The following ABLIM3 variants were observed in gnomAD, a reference collection of about 807,000 sequenced individuals.
The protein encoded by ABLIM3 is actin binding LIM protein family member 3.
A neutral mutation model predicts 109.5 loss-of-function variants in ABLIM3; 61 were observed. The ratio of observed to expected loss-of-function variants is 0.56; its 90% confidence interval spans 0.45 to 0.69. ABLIM3 has a LOEUF of 0.69. ABLIM3 is among the 30% of genes least tolerant of loss of function. ABLIM3 has a pLI of 0.00. For synonymous variants in ABLIM3, 300 were observed against 324.8 expected (o/e 0.92, Z 0.82); for missense variants, 796 against 889.5 (o/e 0.89, Z 1.34).
chr5:149,233,641 G>GA (rs1467944145), intron 10 of ABLIM3, among the ~76,000 whole-genome samples: 1 of 152,162 alleles, frequency 6.6e-6, no homozygotes, highest in African/African-American at 2.4e-5. Context: ...CTGAGAGCAA[G>GA]AAAAAACTGA....
intron 23 of ABLIM3, among the ~76,000 whole-genome samples, chr5:149,258,060 C>T (rs1441702576): frequency 1.3e-5 from 2 of 152,170 alleles, no homozygotes; most frequent in African/African-American, 2.4e-5. Context: ...CAGGGGAGGC[C>T]TCTTCAGCCA....
intron 2 of ABLIM3, among the ~76,000 whole-genome samples, chr5:149,144,972 T>C (rs2044908166): frequency 6.6e-6 from 1 of 152,162 alleles, no homozygotes; most frequent in African/African-American, 2.4e-5. Flanking sequence ...ATTCTGCAAA[T>C]ACTGTATTTT....
At chr5:149,145,758 T>G (rs1160830231) in intron 2 of ABLIM3, among the ~76,000 whole-genome samples, 1 of 151,930 alleles carries the variant, frequency 6.6e-6, no homozygotes, top group African/African-American at 2.4e-5. Context: ...GTTGAGCATT[T>G]TTATTTTTTC....
chr5:149,165,244 T>G (rs1238821096), intron 2 of ABLIM3, among the ~76,000 whole-genome samples: 1 of 152,208 alleles, frequency 6.6e-6, no homozygotes, highest in Non-Finnish European at 1.5e-5. Flanking sequence ...AATGATTCTG[T>G]ATACTTCTCT....
At chr5:149,184,481 T>C (rs1050727562) in intron 3 of ABLIM3, among the ~76,000 whole-genome samples, 1 of 152,232 alleles carries the variant, frequency 6.6e-6, no homozygotes, top group Non-Finnish European at 1.5e-5. Context: ...GTTTTCCCCA[T>C]GTCAAACTAT....
chr5:149,149,657 T>G (rs1753250755), intron 2 of ABLIM3, among the ~76,000 whole-genome samples: 1 of 152,142 alleles, frequency 6.6e-6, no homozygotes, highest in Admixed American at 6.5e-5. Context: ...GAAAAATCTT[T>G]TAGAAAATAA....
At chr5:149,247,539 T>C in intron 17 of ABLIM3, 2 of 671,034 alleles carry the variant, frequency 3.0e-6, no homozygotes, top group Non-Finnish European at 5.5e-6. Flanking sequence ...ATCCTGTCAC[T>C]GGCCAGGCTT....
At chr5:149,242,892 G>A (rs1752998489) in intron 15 of ABLIM3, among the ~76,000 whole-genome samples, 1 of 152,190 alleles carries the variant, frequency 6.6e-6, no homozygotes, top group East Asian at 1.9e-4. Flanking sequence ...TAGAATAACA[G>A]GGGATGCATA....
At chr5:149,202,042 AG>A (rs1427335001) in intron 5 of ABLIM3, among the ~76,000 whole-genome samples, 1 of 152,240 alleles carries the variant, frequency 6.6e-6, no homozygotes, top group Non-Finnish European at 1.5e-5. Flanking sequence ...ATACAGAGTG[AG>A]GGATGATATT....
At chr5:149,245,892 G>T (rs1178349314) in intron 16 of ABLIM3, among the ~76,000 whole-genome samples, 2 of 152,248 alleles carry the variant, frequency 1.3e-5, no homozygotes, top group African/African-American at 4.8e-5. Flanking sequence ...GCTGGGCACA[G>T]TGGCTCACGC....
intron 2 of ABLIM3, among the ~76,000 whole-genome samples, chr5:149,153,636 T>A (rs4620015): frequency 0.82 from 124,606 of 152,178 alleles, 51,406 homozygotes; most frequent in African/African-American, 0.92. Flanking sequence ...TTCCCAGAAA[T>A]GAGTGACCGG....
At chr5:149,254,687 A>T (rs149311097) in intron 23 of ABLIM3, among the ~76,000 whole-genome samples, 178 of 152,202 alleles carry the variant, frequency 1.2e-3, no homozygotes, top group African/African-American at 4.1e-3. Flanking sequence ...ACATTTCAAC[A>T]AGGGCCTCCT....
chr5:149,146,469 T>A (rs1270888443), intron 2 of ABLIM3, among the ~76,000 whole-genome samples: 2 of 152,246 alleles, frequency 1.3e-5, no homozygotes, highest in Non-Finnish European at 2.9e-5. Flanking sequence ...AAATCTTTCA[T>A]CCATCTTGAG....
intron 3 of ABLIM3, among the ~76,000 whole-genome samples, chr5:149,194,914 A>G (rs1757808797): frequency 6.6e-6 from 1 of 152,130 alleles, no homozygotes. Context: ...GAGTTATTTT[A>G]TTATTCTTCT....
At position 149,252,836 on chromosome 5, in the gene ABLIM3, A is replaced by G. The variant is rs959879013; in HGVS notation, c.1937A>G (p.Glu646Gly). The G allele has an allele frequency of 6.2e-7, 1 of 1,612,482 alleles. No individual in the cohort carries two copies. Among genetic ancestry groups the G allele is most frequent in the Admixed American group, 1.7e-5 (1 of 59,962 alleles). Residue 646 changes from glutamate to glycine, a missense_variant and splice_region_variant, in exon 23 of 24, where the codon GAG becomes GGG. Coordinates refer to ENST00000309868, the MANE Select transcript of ABLIM3 (RefSeq NM_014945.5). ...AAGGATGTAGACAGGACCCGTTTAG[A>G]GGTAAGTCTAAAAAACTGAGCAGGA... ...LPKDVDRTRL[E>G]RHLSQEEFYQ...
intron 11 of ABLIM3, 112 bp from the exon 12 acceptor site, chr5:149,239,136 C>T (rs1280665009): frequency 9.6e-7 from 1 of 1,041,580 alleles, no homozygotes; most frequent in Admixed American, 1.7e-5. Context: ...TACAAAGGAA[C>T]TGCTGCAAAC....
chr5:149,174,062 T>G (rs1581046449), intron 2 of ABLIM3, among the ~76,000 whole-genome samples: 1 of 142,940 alleles, frequency 7.0e-6, no homozygotes. Flanking sequence ...GGAACCATGG[T>G]GATCTGCAAG....
rs182108335 is a variant in ABLIM3 at position 149,239,249 on chromosome 5, C to G, written c.1046C>G (p.Ser349Trp). 11 of 1,614,024 alleles carry G rather than the reference C, an allele frequency of 6.8e-6. No homozygotes were observed. In the East Asian group the frequency reaches 2.5e-4, roughly 36 times the overall value. The change falls in exon 12 of 24, where the codon TCG becomes TGG. Residue 349 changes from serine to tryptophan, a missense_variant and splice_region_variant. Ser to Trp is a radical substitution (Grantham distance 177, BLOSUM62 -3). Transcript: ENST00000309868. ...EMLERCGYGE[S>W]LGTLSPYSQD... ...GCCTTCAAACTCTTCACTTCTAAGT[C>G]GCTGGGAACATTATCTCCCTACTCC... is the stretch of plus-strand genomic sequence containing the variant.
intron 9 of ABLIM3, among the ~76,000 whole-genome samples, chr5:149,232,398 G>T (rs528330830): frequency 6.6e-6 from 1 of 152,144 alleles, no homozygotes; most frequent in African/African-American, 2.4e-5. Flanking sequence ...ATCTATCAAG[G>T]GGATTGAAAC....
Sources: allele counts gnomAD v4.1 joint callset (sites outside exome capture counted in the v4.1 genomes callset), GRCh38; gene constraint gnomAD v4.1.1; transcripts MANE v1.5; gene names NCBI Gene and HGNC (gene_info 2026-07-23, HGNC 2026-07-21).